SEMA3E: variants seen among roughly 807,000 people sequenced by gnomAD.
SEMA3E encodes the protein semaphorin-3E.
A neutral mutation model predicts 93.6 loss-of-function variants in SEMA3E; 49 were observed. The observed-to-expected ratio is 0.52, with a 90% CI of 0.42 to 0.66. SEMA3E has a LOEUF of 0.66. SEMA3E is among the 30% of genes least tolerant of loss of function. SEMA3E has a pLI of 0.00. For synonymous variants in SEMA3E, 363 were observed against 330.7 expected, an observed-to-expected ratio of 1.10 and a Z score of -1.06; for missense variants, 906 against 964.8, an observed-to-expected ratio of 0.94 and a Z score of 0.81.
intron 1 of SEMA3E, among the ~76,000 whole-genome samples, chr7:83,541,755 G>A (rs1451613424): frequency 6.6e-6 from 1 of 152,230 alleles, no homozygotes; most frequent in South Asian, 2.1e-4. Flanking sequence ...AGGATAGCAT[G>A]ACTCTGATGT....
intron 4 of SEMA3E, among the ~76,000 whole-genome samples, chr7:83,448,692 C>G (rs1444824382): frequency 6.6e-6 from 1 of 152,174 alleles, no homozygotes; most frequent in Non-Finnish European, 1.5e-5. Context: ...AAAACCGAAT[C>G]TGATAACATT....
intron 1 of SEMA3E, among the ~76,000 whole-genome samples, chr7:83,544,158 T>A (rs1659107285): frequency 6.6e-6 from 1 of 152,074 alleles, no homozygotes; most frequent in African/African-American, 2.4e-5. Context: ...AATAACTAAC[T>A]ATTTGTGGGT....
intron 1 of SEMA3E, among the ~76,000 whole-genome samples, chr7:83,633,167 T>C (rs1793819709): frequency 6.6e-6 from 1 of 152,096 alleles, no homozygotes; most frequent in African/African-American, 2.4e-5. Context: ...TCCTTTTCCT[T>C]CCTCCTCTCT....
At chr7:83,580,242 G>T (rs1211100062) in intron 1 of SEMA3E, among the ~76,000 whole-genome samples, 4 of 151,828 alleles carry the variant, frequency 2.6e-5, no homozygotes, top group Admixed American at 2.6e-4. Context: ...AAAATGTTTG[G>T]ATTGCCTGTA....
intron 1 of SEMA3E, among the ~76,000 whole-genome samples, chr7:83,592,596 T>C (rs996672001): frequency 3.3e-5 from 5 of 152,076 alleles, no homozygotes; most frequent in African/African-American, 1.2e-4. Context: ...AGGGACAAAT[T>C]AAATGGAGAG....
At position 83,623,570 on chromosome 7, in the gene SEMA3E, C is replaced by T. The variant is rs534031288; in HGVS notation, c.115+24858G>A. On this transcript the variant is annotated intron_variant, in intron 1 of 16. Transcript: ENST00000643230. ...TCTAATTTATATTTTTCTTAACTGT[C>T]AATAAAAGCAATAACATTTCTGCTT... 5.3e-5 allele frequency among the ~76,000 whole-genome samples: 8 copies of T among 150,902 alleles called. 1 individual carries two copies. In the South Asian group the frequency reaches 1.7e-3, roughly 32 times the overall value.
chr7:83,560,220 T>C (rs1209710974), intron 1 of SEMA3E, among the ~76,000 whole-genome samples: 2 of 152,032 alleles, frequency 1.3e-5, no homozygotes, highest in East Asian at 3.9e-4. Flanking sequence ...CTATGAACTT[T>C]GGGTGTCATT....
At chr7:83,550,185 C>T (rs536858878) in intron 1 of SEMA3E, among the ~76,000 whole-genome samples, 3 of 152,216 alleles carry the variant, frequency 2.0e-5, no homozygotes, top group Admixed American at 6.6e-5. Context: ...TATAGGTCGC[C>T]TATCATTTAG....
At chr7:83,638,884 G>T (rs940138851) in intron 1 of SEMA3E, among the ~76,000 whole-genome samples, 10 of 151,770 alleles carry the variant, frequency 6.6e-5, no homozygotes, top group African/African-American at 2.4e-4. Context: ...GGCCGAGGCG[G>T]GCGGATCACG....
At chr7:83,581,845 T>C (rs2115911436) in intron 1 of SEMA3E, among the ~76,000 whole-genome samples, 1 of 152,066 alleles carries the variant, frequency 6.6e-6, no homozygotes, top group East Asian at 1.9e-4. Flanking sequence ...AGAAGCAGAA[T>C]TTTTTCTGCC....
chr7:83,496,344 T>A (rs1790491430), intron 1 of SEMA3E, among the ~76,000 whole-genome samples: 1 of 152,038 alleles, frequency 6.6e-6, no homozygotes, highest in African/African-American at 2.4e-5. Context: ...CAGAGCCTGA[T>A]ATAAATAATA....
chr7:83,372,088 G>A, intron 16 of SEMA3E: 1 of 391,166 alleles, frequency 2.6e-6, no homozygotes, highest in East Asian at 3.6e-5. Flanking sequence ...TGTAAAATGA[G>A]AACATACTAA....
chr7:83,636,362 T>G (rs752525609), intron 1 of SEMA3E, among the ~76,000 whole-genome samples: 1 of 152,112 alleles, frequency 6.6e-6, no homozygotes, highest in African/African-American at 2.4e-5. Context: ...TATCATTTCA[T>G]TTTCTGCCAT....
At chr7:83,600,372 T>G (rs1477996754) in intron 1 of SEMA3E, among the ~76,000 whole-genome samples, 1 of 150,592 alleles carries the variant, frequency 6.6e-6, no homozygotes, top group African/African-American at 2.5e-5. Flanking sequence ...CAGACTGGAG[T>G]GCAATGGTGC....
intron 1 of SEMA3E, among the ~76,000 whole-genome samples, chr7:83,496,154 T>A (rs1790487074): frequency 1.3e-5 from 2 of 151,972 alleles, no homozygotes; most frequent in Non-Finnish European, 2.9e-5. Context: ...TATTAGAGAT[T>A]CAGTACAGAG....
chr7:83,585,966 C>A (rs1415464917), intron 1 of SEMA3E, among the ~76,000 whole-genome samples: 1 of 152,096 alleles, frequency 6.6e-6, no homozygotes, highest in Non-Finnish European at 1.5e-5. Flanking sequence ...ATGGCCTGCA[C>A]CTAACAAATG....
intron 4 of SEMA3E, among the ~76,000 whole-genome samples, chr7:83,433,900 C>A (rs1271774604): frequency 1.3e-5 from 2 of 151,912 alleles, no homozygotes; most frequent in Non-Finnish European, 2.9e-5. Flanking sequence ...ATACGATGAT[C>A]CCAATCAAAC....
At chr7:83,513,852 C>T (rs1790874787) in intron 1 of SEMA3E, among the ~76,000 whole-genome samples, 1 of 151,966 alleles carries the variant, frequency 6.6e-6, no homozygotes. Flanking sequence ...TATAAATGTA[C>T]CATTGTCAGA....
At chr7:83,382,715 C>T (rs1315812032) in intron 16 of SEMA3E, among the ~76,000 whole-genome samples, 1 of 151,362 alleles carries the variant, frequency 6.6e-6, no homozygotes, top group African/African-American at 2.4e-5. Flanking sequence ...GGAAAATGCT[C>T]CACATGAAGT....
Sources: gnomAD v4.1 joint callset for allele counts (sites outside exome capture counted in the v4.1 genomes callset) on GRCh38, gnomAD v4.1.1 for gene constraint, MANE v1.5 for transcripts, NCBI Gene and HGNC (gene_info 2026-07-23, HGNC 2026-07-21) for gene names.